The following DCC variants were observed in gnomAD, a reference collection of about 807,000 sequenced individuals.
DCC encodes netrin receptor DCC.
Under a neutral mutation model 172.5 loss-of-function variants are expected in DCC, and 58 were observed. The ratio of observed to expected loss-of-function variants is 0.34; its 90% CI spans 0.27 to 0.42. The LOEUF (loss-of-function observed/expected upper bound fraction) is 0.42, where lower values mean the gene tolerates loss of function less well. Among genes scored for constraint, DCC ranks in the 10% least tolerant of loss-of-function variants. DCC has a pLI of 1.00. For synonymous variants in DCC, 709 were observed against 644.5 expected (o/e 1.10, Z -1.52); for missense variants, 1,740 against 1,791.0 (o/e 0.97, Z 0.51).
At chr18:53,036,046 G>T (rs1490343755) in intron 5 of DCC, among the ~76,000 whole-genome samples, 4 of 151,816 alleles carry the variant, frequency 2.6e-5, no homozygotes, top group African/African-American at 9.7e-5. Context: ...CATTTCGAGG[G>T]CTCTTTATAC....
intron 2 of DCC, among the ~76,000 whole-genome samples, chr18:52,859,123 C>T (rs1211363393): frequency 3.3e-5 from 5 of 151,656 alleles, no homozygotes; most frequent in Admixed American, 6.6e-5. Flanking sequence ...CAACATAGAC[C>T]CTGTCTCTGC....
chr18:52,907,074 C>A lies in DCC; in HGVS notation c.697+746C>A, dbSNP rs191783850. The stretch of plus-strand genomic sequence containing the variant: ...TTCATCTACCAGGCAATAACAGAAG[C>A]AAAGCTAGCATTTATTCCCAGCACA... On this transcript the variant is annotated intron_variant, in intron 3 of 28. Transcript: ENST00000442544. Among the ~76,000 whole-genome samples, 267 of 151,156 alleles carry A rather than the reference C, an allele frequency of 1.8e-3. 1 individual carries two copies. Among genetic ancestry groups the A allele is most frequent in the African/African-American group, 6.2e-3 (256 of 40,974 alleles).
At chr18:52,934,450 T>C (rs1458870890) in intron 5 of DCC, among the ~76,000 whole-genome samples, 1 of 152,182 alleles carries the variant, frequency 6.6e-6, no homozygotes, top group Non-Finnish European at 1.5e-5. Flanking sequence ...AAGCCATGTC[T>C]TCTACATTTT....
chr18:53,007,971 CACTT>C (rs1179944352), intron 5 of DCC, among the ~76,000 whole-genome samples: 1 of 152,060 alleles, frequency 6.6e-6, no homozygotes, highest in Non-Finnish European at 1.5e-5. Flanking sequence ...ATTAAATAAT[CACTT>C]AAGCCAAATT....
At chr18:53,351,407 A>ATATATACAGTG (rs1451319642) in intron 15 of DCC, among the ~76,000 whole-genome samples, 1 of 19,152 alleles carries the variant, frequency 5.2e-5, no homozygotes, top group East Asian at 1.2e-3. Flanking sequence ...CAGTGTATAT[A>ATATATACAGTG]TATATATATA....
chr18:52,510,046 G>A (rs551087638), intron 1 of DCC, among the ~76,000 whole-genome samples: 4 of 151,904 alleles, frequency 2.6e-5, no homozygotes, highest in Admixed American at 2.0e-4. Context: ...GGAGGTTACG[G>A]TGAGCTGAGA....
chr18:52,799,418 CAAGG>C (rs376247150), intron 2 of DCC, among the ~76,000 whole-genome samples: 3 of 151,970 alleles, frequency 2.0e-5, no homozygotes, highest in African/African-American at 7.3e-5. Context: ...ATACATGTAA[CAAGG>C]AAGCATGAAA....
intron 28 of DCC, among the ~76,000 whole-genome samples, chr18:53,529,392 A>G (rs1405130706): frequency 6.6e-6 from 1 of 152,200 alleles, no homozygotes; most frequent in Non-Finnish European, 1.5e-5. Flanking sequence ...AGAGCTAGAA[A>G]TCATGGCTCA....
At chr18:53,098,325 C>T (rs528619210) in intron 7 of DCC, among the ~76,000 whole-genome samples, 6 of 152,026 alleles carry the variant, frequency 3.9e-5, no homozygotes, top group East Asian at 3.9e-4. Context: ...AAGATTTTGC[C>T]GATTATCCCA....
chr18:52,348,007 C>T (rs895134418), intron 1 of DCC, among the ~76,000 whole-genome samples: 2 of 152,070 alleles, frequency 1.3e-5, no homozygotes, highest in Non-Finnish European at 2.9e-5. Context: ...GCCTTTTGTA[C>T]AGTTTTTCCA....
chr18:53,378,242 T>A (rs952436906), intron 15 of DCC, among the ~76,000 whole-genome samples: 2 of 152,158 alleles, frequency 1.3e-5, no homozygotes, highest in African/African-American at 4.8e-5. Flanking sequence ...ATTACAGGTG[T>A]GAGCCCGACC....
At chr18:52,506,544 A>C (rs892348308) in intron 1 of DCC, among the ~76,000 whole-genome samples, 2 of 152,106 alleles carry the variant, frequency 1.3e-5, no homozygotes, top group Non-Finnish European at 2.9e-5. Context: ...ATAAAGCAAT[A>C]TCTATTGTCT....
At chr18:52,487,125 C>A (rs981679497) in intron 1 of DCC, among the ~76,000 whole-genome samples, 9 of 152,106 alleles carry the variant, frequency 5.9e-5, no homozygotes, top group Non-Finnish European at 1.0e-4. Flanking sequence ...ATGCTGTGGA[C>A]TGGGAGGGTT....
In DCC at chr18:52,826,644, A is replaced by C. The variant is rs1437914202; in HGVS notation, c.412+74270A>C. The stretch of plus-strand genomic sequence containing the variant: ...TGTGCGTGAGCCACCACACTCAGCT[A>C]ATTTTTGTATTTTTAGTAGAGATGG... On this transcript the variant is annotated intron_variant, in intron 2 of 28. Coordinates refer to ENST00000442544, the MANE Select transcript of DCC (RefSeq NM_005215.4). Among the ~76,000 whole-genome samples, 4 of 152,012 alleles carry C rather than the reference A, an allele frequency of 2.6e-5. No homozygotes were observed. In the East Asian group the frequency reaches 7.8e-4, roughly 30 times the overall value.
At chr18:52,683,602 G>A (rs2035784162) in intron 1 of DCC, among the ~76,000 whole-genome samples, 1 of 152,014 alleles carries the variant, frequency 6.6e-6, no homozygotes, top group African/African-American at 2.4e-5. Context: ...ACAGAACTAA[G>A]TGTCCAGATC....
chr18:53,244,641 G>A (rs1386048116), intron 12 of DCC, among the ~76,000 whole-genome samples: 6 of 152,070 alleles, frequency 3.9e-5, no homozygotes, highest in African/African-American at 1.4e-4. Flanking sequence ...GTTCACTTAT[G>A]TGCCTCTTAT....
At chr18:53,114,538 G>A (rs1435003399) in intron 7 of DCC, among the ~76,000 whole-genome samples, 2 of 151,504 alleles carry the variant, frequency 1.3e-5, no homozygotes, top group African/African-American at 4.8e-5. Context: ...CAGTTGCGAT[G>A]TTATTTTTAA....
chr18:52,656,274 T>C (rs2035253376), intron 1 of DCC, among the ~76,000 whole-genome samples: 1 of 151,930 alleles, frequency 6.6e-6, no homozygotes, highest in South Asian at 2.1e-4. Flanking sequence ...TCTTCATGAA[T>C]ATGATTCGTG....
chr18:52,819,038 T>A (rs754511928), intron 2 of DCC, among the ~76,000 whole-genome samples: 54 of 152,034 alleles, frequency 3.6e-4, no homozygotes, highest in Non-Finnish European at 7.1e-4. Flanking sequence ...ACTGGAGGGG[T>A]TACAAAAGAG....
Sources: allele counts gnomAD v4.1 joint callset (sites outside exome capture counted in the v4.1 genomes callset), GRCh38; gene constraint gnomAD v4.1.1; transcripts MANE v1.5; gene names NCBI Gene and HGNC (gene_info 2026-07-23, HGNC 2026-07-21).